Variants in GRIK2 observed in about 807,000 individuals in gnomAD.
GRIK2 encodes glutamate receptor ionotropic, kainate 2.
In GRIK2, 32 loss-of-function variants were observed where a neutral mutation model predicts 100.3. That is an observed-to-expected ratio of 0.32 (90% CI 0.24 to 0.43). GRIK2 has a LOEUF of 0.43. GRIK2 is among the 20% of genes least tolerant of loss of function. The pLI is 1.00. For missense variants in GRIK2, 843 were observed against 1,114.9 expected, an observed-to-expected ratio of 0.76 and a Z score of 3.47; for synonymous variants, 417 against 389.4, an observed-to-expected ratio of 1.07 and a Z score of -0.83.
intron 15 of GRIK2, among the ~76,000 whole-genome samples, chr6:102,036,198 G>T (rs1289680241): frequency 6.7e-6 from 1 of 148,678 alleles, no homozygotes; most frequent in Admixed American, 6.8e-5. Flanking sequence ...ATACAAACAT[G>T]TATGAATATG....
At chr6:102,061,994 T>G (rs1771776937) in intron 16 of GRIK2, among the ~76,000 whole-genome samples, 1 of 149,236 alleles carries the variant, frequency 6.7e-6, no homozygotes, top group Non-Finnish European at 1.5e-5. Context: ...ATTTCACAGC[T>G]ATATTGATTA....
intron 2 of GRIK2, among the ~76,000 whole-genome samples, chr6:101,580,276 G>T (rs1284444102): frequency 6.6e-6 from 1 of 152,016 alleles, no homozygotes; most frequent in African/African-American, 2.4e-5. Context: ...TTTGTTGGTT[G>T]GTTTTTTTGG....
At chr6:101,475,590 T>G (rs1216124557) in intron 2 of GRIK2, among the ~76,000 whole-genome samples, 3 of 152,022 alleles carry the variant, frequency 2.0e-5, no homozygotes, top group African/African-American at 7.2e-5. Flanking sequence ...TCTGTTTTGT[T>G]TCTGTATCTG....
At chr6:101,821,925 A>T (rs1477961971) in intron 10 of GRIK2, among the ~76,000 whole-genome samples, 1 of 152,100 alleles carries the variant, frequency 6.6e-6, no homozygotes, top group African/African-American at 2.4e-5. Flanking sequence ...AGGAGATACA[A>T]GGAGATGTTA....
chr6:101,810,854 T>G (rs1781282221), intron 9 of GRIK2, among the ~76,000 whole-genome samples: 1 of 152,156 alleles, frequency 6.6e-6, no homozygotes, highest in South Asian at 2.1e-4. Flanking sequence ...TGAAAAAAAT[T>G]TCTGTACCCA....
chr6:101,694,364 A>G (rs549055759), intron 7 of GRIK2, among the ~76,000 whole-genome samples: 4 of 152,286 alleles, frequency 2.6e-5, no homozygotes, highest in Admixed American at 6.5e-5. Flanking sequence ...ATAATGTTCA[A>G]TGCTGTAAGT....
intron 2 of GRIK2, among the ~76,000 whole-genome samples, chr6:101,618,843 A>G (rs571886067): frequency 6.6e-6 from 1 of 151,324 alleles, no homozygotes; most frequent in Non-Finnish European, 1.5e-5. Flanking sequence ...TATTGTAGAC[A>G]TTTTATCTTT....
At chr6:101,960,053 G>GTTGTTTTTTT (rs1792193820) in intron 14 of GRIK2, among the ~76,000 whole-genome samples, 1 of 131,030 alleles carries the variant, frequency 7.6e-6, no homozygotes, top group Non-Finnish European at 1.6e-5. Flanking sequence ...TTAGTGTTTT[G>GTTGTTTTTTT]TTTTTTTTTT....
chr6:101,780,290 A>G (rs1252271783), intron 7 of GRIK2, among the ~76,000 whole-genome samples: 1 of 152,144 alleles, frequency 6.6e-6, no homozygotes, highest in Non-Finnish European at 1.5e-5. Context: ...TCCTTTGCCC[A>G]TCATAGTTTC....
intron 2 of GRIK2, among the ~76,000 whole-genome samples, chr6:101,476,898 G>A (rs1056195415): frequency 5.9e-5 from 9 of 152,218 alleles, no homozygotes; most frequent in Admixed American, 4.6e-4. Context: ...AGCATCCAAG[G>A]CGCAGTAGCA....
chr6:101,524,039 A>G (rs1043761838), intron 2 of GRIK2, among the ~76,000 whole-genome samples: 1 of 152,054 alleles, frequency 6.6e-6, no homozygotes, highest in African/African-American at 2.4e-5. Context: ...AGGTCTTTTT[A>G]TGCTAGGTAG....
At chr6:101,679,069 C>G in intron 5 of GRIK2, among the ~76,000 whole-genome samples, 1 of 152,236 alleles carries the variant, frequency 6.6e-6, no homozygotes, top group Middle Eastern at 3.4e-3. Context: ...AGCCAAGATC[C>G]TCTGAAGTAA....
At chr6:101,885,118 A>G (rs77770217) in intron 11 of GRIK2, among the ~76,000 whole-genome samples, 8,313 of 152,162 alleles carry the variant, frequency 0.055, 373 homozygotes, top group Non-Finnish European at 0.084. Flanking sequence ...TGTGCATTCA[A>G]ATTTCTCATA....
chr6:101,402,265 C>G (rs1205774960), intron 2 of GRIK2, among the ~76,000 whole-genome samples: 1 of 152,170 alleles, frequency 6.6e-6, no homozygotes, highest in Non-Finnish European at 1.5e-5. Flanking sequence ...CACATTCTCT[C>G]ACACACACTC....
chr6:101,588,656 ACACACG>A (rs554445634), intron 2 of GRIK2, among the ~76,000 whole-genome samples: 11 of 143,256 alleles, frequency 7.7e-5, no homozygotes, highest in Admixed American at 3.5e-4. Context: ...ACTGCATGAC[ACACACG>A]CACACGCACA....
intron 2 of GRIK2, among the ~76,000 whole-genome samples, chr6:101,491,433 A>C (rs1773105667): frequency 6.6e-6 from 1 of 152,076 alleles, no homozygotes. Flanking sequence ...AAGCAAACAC[A>C]AACCTTCACT....
At chr6:101,668,218 C>T (rs1770172683) in intron 4 of GRIK2, among the ~76,000 whole-genome samples, 1 of 152,080 alleles carries the variant, frequency 6.6e-6, no homozygotes, top group South Asian at 2.1e-4. Context: ...TTTCTCTTCT[C>T]TCTTATTTCT....
chr6:102,068,251 A>T lies in GRIK2; in HGVS notation c.2563-96A>T. 7.1e-6 allele frequency: 6 copies of T among 849,690 alleles called. No homozygotes were observed. The Admixed American group carries it at 1.4e-4, about 19-fold the overall frequency. 52.6% of individuals were successfully genotyped at this position (849,690 alleles called of 1,614,324 possible). On this transcript the variant is annotated intron_variant, in intron 16 of 16. Transcript: ENST00000369134. ...AAATTTTCAAACCTTCAAGGATGTT[A>T]TGTGACAAGTCTGTTGAGGATGATT...
intron 2 of GRIK2, among the ~76,000 whole-genome samples, chr6:101,528,540 TC>T (rs1444356321): frequency 2.6e-5 from 4 of 152,148 alleles, no homozygotes; most frequent in African/African-American, 4.8e-5. Context: ...TTTCTGATGT[TC>T]CTGAGCCAAA....
Sources: allele counts gnomAD v4.1 joint callset (sites outside exome capture counted in the v4.1 genomes callset), GRCh38; gene constraint gnomAD v4.1.1; transcripts MANE v1.5; gene names NCBI Gene and HGNC (gene_info 2026-07-23, HGNC 2026-07-21).